The following GNA12 variants were observed in gnomAD, a reference collection of about 807,000 sequenced individuals.
GNA12 encodes guanine nucleotide-binding protein subunit alpha-12.
A neutral mutation model predicts 26.0 loss-of-function variants in GNA12; 9 were observed. The ratio of observed to expected loss-of-function variants is 0.35; its 90% CI spans 0.21 to 0.60. GNA12 has a LOEUF of 0.60. Among genes scored for constraint, GNA12 ranks in the 20% least tolerant of loss-of-function variants. The pLI, the probability that GNA12 is intolerant of heterozygous loss-of-function variation, is 0.78. For missense variants in GNA12, 405 were observed against 525.8 expected, an observed-to-expected ratio of 0.77 and a Z score of 2.25; for synonymous variants, 264 against 219.6, an observed-to-expected ratio of 1.20 and a Z score of -1.79.
chr7:2,843,769 G>T, intron 1 of GNA12, 84 bp downstream of exon 1: 4 of 648,472 alleles, frequency 6.2e-6, no homozygotes, highest in Non-Finnish European at 7.1e-6. Flanking sequence ...CCCGCCCGCG[G>T]CGGCGGACCA....
rs754822876 is a variant in GNA12, at chr7:2,728,841, T to TGAG, written c.*2337_*2339dup. 1.1e-4 allele frequency: 16 copies of TGAG among 152,278 alleles called. No individual in the cohort carries two copies. Among genetic ancestry groups the TGAG allele is most frequent in the African/African-American group, 1.9e-4 (8 of 41,552 alleles). 9.4% of individuals were successfully genotyped at this position (152,278 alleles called of 1,614,324 possible). The stretch of plus-strand genomic sequence containing the variant: ...AAAACGTTCTAATTCACCCCGGTCA[T>TGAG]GAGGAGGAGGAGGAGGAAGTCCAGC... On this transcript the variant is annotated 3_prime_UTR_variant, in exon 4 of 4. Transcript: ENST00000275364.
chr7:2,794,690 G>C, intron 2 of GNA12: 1 of 544,986 alleles, frequency 1.8e-6, no homozygotes, highest in South Asian at 2.2e-5. Context: ...AGAACCCTCC[G>C]TATTCCCAGA....
intron 2 of GNA12, among the ~76,000 whole-genome samples, chr7:2,768,786 C>A (rs1317877551): frequency 1.3e-5 from 2 of 151,648 alleles, no homozygotes; most frequent in African/African-American, 4.8e-5. Flanking sequence ...CACTTTTCTA[C>A]CTTTGTTTCT....
At chr7:2,787,080 A>T (rs1171186879) in intron 2 of GNA12, among the ~76,000 whole-genome samples, 1 of 151,968 alleles carries the variant, frequency 6.6e-6, no homozygotes, top group Admixed American at 6.6e-5. Flanking sequence ...GCTCCCCAGT[A>T]AGCACCCCAA....
chr7:2,843,591 G>C (rs1384285454), intron 1 of GNA12, among the ~76,000 whole-genome samples: 1 of 151,892 alleles, frequency 6.6e-6, no homozygotes, highest in Non-Finnish European at 1.5e-5. Context: ...AGGCTGCAGT[G>C]AGCTGTGAGG....
intron 2 of GNA12, among the ~76,000 whole-genome samples, chr7:2,768,779 T>A (rs895950947): frequency 1.3e-5 from 2 of 152,164 alleles, no homozygotes; most frequent in African/African-American, 4.8e-5. Context: ...TGGCATACAC[T>A]TTTCTACCTT....
chr7:2,755,146 C>T (rs755499068), intron 2 of GNA12, among the ~76,000 whole-genome samples: 2 of 152,200 alleles, frequency 1.3e-5, no homozygotes, highest in Non-Finnish European at 2.9e-5. Flanking sequence ...TGCGCCAGCA[C>T]CACACAGGCC....
chr7:2,843,793 G>A (rs1779080314), intron 1 of GNA12, 60 bp downstream of exon 1: 5 of 956,026 alleles, frequency 5.2e-6, no homozygotes, highest in African/African-American at 1.7e-5. Context: ...AGGGGCCCGG[G>A]GCGGGGGTTA....
chr7:2,830,394 G>C (rs1793577392), intron 1 of GNA12, among the ~76,000 whole-genome samples: 1 of 152,192 alleles, frequency 6.6e-6, no homozygotes. Flanking sequence ...GTCTGGTTTT[G>C]GGTTTGTAGC....
chr7:2,786,494 A>C (rs558288091), intron 2 of GNA12, among the ~76,000 whole-genome samples: 1 of 152,224 alleles, frequency 6.6e-6, no homozygotes, highest in Admixed American at 6.5e-5. Flanking sequence ...ATGATTATGA[A>C]AAGTTCGACT....
At chr7:2,766,387 CTTT>C (rs71026553) in intron 2 of GNA12, among the ~76,000 whole-genome samples, 7 of 132,050 alleles carry the variant, frequency 5.3e-5, no homozygotes, top group Non-Finnish European at 4.9e-5. Flanking sequence ...TTGCTTCCGC[CTTT>C]TTTTTTTTTT....
At chr7:2,755,149 C>A (rs968096861) in intron 2 of GNA12, among the ~76,000 whole-genome samples, 1 of 152,196 alleles carries the variant, frequency 6.6e-6, no homozygotes, top group Non-Finnish European at 1.5e-5. Flanking sequence ...GCCAGCACCA[C>A]ACAGGCCTGA....
chr7:2,740,396 C>G (rs1002446724), intron 2 of GNA12, among the ~76,000 whole-genome samples: 1 of 152,148 alleles, frequency 6.6e-6, no homozygotes, highest in African/African-American at 2.4e-5. Flanking sequence ...TCACTCCGTC[C>G]TATGTGAGGC....
Position 2,728,321 on chromosome 7 carries a change from A to T in GNA12, c.*2860T>A, listed in dbSNP as rs1789713317. The T allele has an allele frequency of 6.6e-6, 1 of 152,308 alleles. No individual in the cohort carries two copies. The highest frequency in any genetic ancestry group is 2.1e-4 in the South Asian group (1 of 4,830). 9.4% of individuals were successfully genotyped at this position (152,308 alleles called of 1,614,324 possible). On this transcript the variant is annotated 3_prime_UTR_variant, in exon 4 of 4. Transcript: ENST00000275364. ...CAGAACCCCTAAATTAGTTACAACT[A>T]ATAATCTTCTTTCAAGAGTTTTTTT...
intron 1 of GNA12, among the ~76,000 whole-genome samples, chr7:2,813,403 TCTCCTCCTAC>T (rs946487718): frequency 2.0e-5 from 3 of 151,064 alleles, no homozygotes; most frequent in Admixed American, 6.6e-5. Context: ...CAGGGGAGAG[TCTCCTCCTAC>T]CTCCCCTTCC....
rs553911311 is a variant in GNA12, at chr7:2,839,783, G to C, written c.309+4070C>G. The stretch of plus-strand genomic sequence containing the variant: ...TGGGAGGCCGAGGCGGGTGGATCAC[G>C]AGGTCAGGAGTTGGGGATCAGCCTG... On this transcript the variant is annotated intron_variant, in intron 1 of 3. Transcript: ENST00000275364. Among the ~76,000 whole-genome samples the C allele has an allele frequency of 5.3e-5, 8 of 152,260 alleles. No homozygotes were observed. In the South Asian group the frequency reaches 1.5e-3, roughly 28 times the overall value.
chr7:2,805,654 C>G (rs1792928869), intron 1 of GNA12, among the ~76,000 whole-genome samples: 1 of 152,226 alleles, frequency 6.6e-6, no homozygotes, highest in Non-Finnish European at 1.5e-5. Flanking sequence ...CAGAGCTGAG[C>G]TGACCTCTGA....
chr7:2,740,066 A>G (rs2115323168), intron 2 of GNA12, among the ~76,000 whole-genome samples: 1 of 152,228 alleles, frequency 6.6e-6, no homozygotes, highest in South Asian at 2.1e-4. Flanking sequence ...GCCATGTACA[A>G]AGTTTCCAAT....
At chr7:2,752,637 A>G (rs564617455) in intron 2 of GNA12, among the ~76,000 whole-genome samples, 1 of 152,340 alleles carries the variant, frequency 6.6e-6, no homozygotes, top group East Asian at 1.9e-4. Context: ...AAAATCAAGT[A>G]TATGTTTTAC....
Sources: gnomAD v4.1 joint callset for allele counts (sites outside exome capture counted in the v4.1 genomes callset) on GRCh38, gnomAD v4.1.1 for gene constraint, MANE v1.5 for transcripts, NCBI Gene and HGNC (gene_info 2026-07-23, HGNC 2026-07-21) for gene names.